LVRN: variants seen among roughly 807,000 people sequenced by gnomAD.
The protein encoded by LVRN is aminopeptidase Q.
LVRN carries 99 observed loss-of-function variants against 111.4 expected under a neutral mutation model. The ratio of observed to expected loss-of-function variants is 0.89; its 90% CI spans 0.76 to 1.05. The LOEUF (loss-of-function observed/expected upper bound fraction) is 1.05, where lower values mean the gene tolerates loss of function less well. Ranked by LOEUF, LVRN falls within the 50% of genes least tolerant of loss-of-function variation. LVRN has a pLI of 0.00. For synonymous variants in LVRN, 488 were observed against 449.5 expected (o/e 1.09, Z -1.08); for missense variants, 1,414 against 1,206.8 (o/e 1.17, Z -2.54).
chr5:115,993,687 A>G, intron 5 of LVRN, 54 bp from the exon 6 acceptor site: 2 of 1,185,178 alleles, frequency 1.7e-6, no homozygotes, highest in East Asian at 2.5e-5. Flanking sequence ...TACAACGAAT[A>G]TAACTTAAAA....
At chr5:115,969,291 T>G (rs182530329) in intron 1 of LVRN, among the ~76,000 whole-genome samples, 1 of 152,244 alleles carries the variant, frequency 6.6e-6, no homozygotes, top group East Asian at 1.9e-4. Context: ...TTTTGTACTT[T>G]TTTTCTCCTC....
intron 6 of LVRN, among the ~76,000 whole-genome samples, chr5:115,994,262 G>T (rs1311515224): frequency 6.6e-6 from 1 of 151,628 alleles, no homozygotes; most frequent in Non-Finnish European, 1.5e-5. Context: ...TATATATATA[G>T]TCTAGGTCTT....
At position 115,992,266 on chromosome 5, in the gene LVRN, A is replaced by T. The variant is rs889768409; in HGVS notation, c.1249A>T (p.Ile417Phe). ...GATCTCCTATGTTGTCTCCCACGAG[A>T]TTGGACACCAGGCATGTGGTAAAAT... is the stretch of plus-strand genomic sequence containing the variant. ...TLISYVVSHE[I>F]GHQWFGNLVT... The change falls in exon 5 of 20, where the codon ATT becomes TTT. Residue 417 changes from isoleucine to phenylalanine, a missense_variant. Ile to Phe is a conservative substitution (Grantham distance 21, BLOSUM62 0). Transcript: ENST00000357872. 3 of 1,613,816 alleles carry T rather than the reference A, an allele frequency of 1.9e-6. No individual in the cohort carries two copies. The highest frequency in any genetic ancestry group is 2.5e-6 in the Non-Finnish European group (3 of 1,179,858).
chr5:115,997,136 A>G (rs774113433), intron 6 of LVRN, among the ~76,000 whole-genome samples: 2 of 152,024 alleles, frequency 1.3e-5, no homozygotes, highest in Admixed American at 6.6e-5. Flanking sequence ...ACATCATGAA[A>G]ATTAATTTAG....
intron 6 of LVRN, among the ~76,000 whole-genome samples, chr5:115,994,801 T>C (rs1156496635): frequency 2.0e-5 from 3 of 152,242 alleles, no homozygotes; most frequent in Non-Finnish European, 4.4e-5. Flanking sequence ...TAGAATGCCA[T>C]GATAAAACCA....
intron 5 of LVRN, among the ~76,000 whole-genome samples, chr5:115,993,473 G>A (rs1748039192): frequency 6.6e-6 from 1 of 152,162 alleles, no homozygotes; most frequent in African/African-American, 2.4e-5. Context: ...TATTCTAGCT[G>A]ACCTTATGTT....
intron 1 of LVRN, among the ~76,000 whole-genome samples, chr5:115,965,019 G>A (rs542593056): frequency 6.6e-6 from 1 of 152,328 alleles, no homozygotes; most frequent in South Asian, 2.1e-4. Context: ...GTTTGAACCT[G>A]AGCTGTGTGA....
intron 1 of LVRN, among the ~76,000 whole-genome samples, chr5:115,969,090 T>A (rs1460339656): frequency 6.6e-6 from 1 of 152,192 alleles, no homozygotes; most frequent in Non-Finnish European, 1.5e-5. Flanking sequence ...TCAAGAGGTC[T>A]CCTCTTTCTC....
At chr5:115,993,658 C>T (rs1748043788) in intron 5 of LVRN, 83 bp from the exon 6 acceptor site, 1 of 870,870 alleles carries the variant, frequency 1.1e-6, no homozygotes, top group Non-Finnish European at 1.8e-6. Context: ...TTTGACCTTA[C>T]ATTTACTTAA....
chr5:115,977,711 G>T (rs538557022), intron 1 of LVRN, among the ~76,000 whole-genome samples: 1 of 152,306 alleles, frequency 6.6e-6, no homozygotes, highest in East Asian at 1.9e-4. Context: ...GTACCACTGT[G>T]CACTTGCTGG....
chr5:115,976,871 T>C (rs1258810795), intron 1 of LVRN, among the ~76,000 whole-genome samples: 2 of 152,228 alleles, frequency 1.3e-5, no homozygotes, highest in African/African-American at 4.8e-5. Context: ...TGTTGATCCT[T>C]GTTTGATTCT....
At chr5:116,017,219 G>T (rs1283447260) in intron 18 of LVRN, among the ~76,000 whole-genome samples, 1 of 152,228 alleles carries the variant, frequency 6.6e-6, no homozygotes, top group Non-Finnish European at 1.5e-5. Flanking sequence ...TAACTGGCAA[G>T]AGCTTAGAGC....
intron 12 of LVRN, among the ~76,000 whole-genome samples, chr5:116,004,219 T>A (rs1200533679): frequency 6.6e-6 from 1 of 152,234 alleles, no homozygotes. Context: ...CCAATATCAC[T>A]TTATATTATA....
chr5:115,973,992 C>A (rs189389000), intron 1 of LVRN, among the ~76,000 whole-genome samples: 306 of 152,068 alleles, frequency 2.0e-3, no homozygotes, highest in Non-Finnish European at 3.7e-3. Flanking sequence ...TATAATAAGC[C>A]CCCATTCATA....
Position 115,963,052 on chromosome 5 carries a change from G to A in LVRN, c.435G>A (p.Leu145=), listed in dbSNP as rs750042397. The A allele has an allele frequency of 4.3e-6, 7 of 1,613,570 alleles. No homozygotes were observed. In the African/African-American group the frequency reaches 9.3e-5, roughly 22 times the overall value. Residue 145 remains leucine (L), a synonymous_variant, in exon 1 of 20, where the codon CTG becomes CTA. Transcript: ENST00000357872. ...VRCTVATSRL[L]LHSLFQDCER... Reference sequence around the variant, plus strand: ...GCACGGTGGCCACCTCTCGACTGCTGCTGCATAGCCTCTTCCAGGACTGCG... The same window carrying A: ...GCACGGTGGCCACCTCTCGACTGCTACTGCATAGCCTCTTCCAGGACTGCG...
At chr5:115,964,422 C>T (rs1243847276) in intron 1 of LVRN, among the ~76,000 whole-genome samples, 1 of 152,174 alleles carries the variant, frequency 6.6e-6, no homozygotes, top group Non-Finnish European at 1.5e-5. Context: ...TTTTTAAGGG[C>T]AGCGTGCTTG....
intron 2 of LVRN, among the ~76,000 whole-genome samples, chr5:115,984,229 G>T (rs988488486): frequency 2.0e-5 from 3 of 152,154 alleles, no homozygotes; most frequent in Non-Finnish European, 4.4e-5. Context: ...GGCCTAGGCA[G>T]CTCTAGATTA....
chr5:115,984,851 G>A, intron 3 of LVRN, 142 bp downstream of exon 3: 1 of 1,172,678 alleles, frequency 8.5e-7, no homozygotes. Flanking sequence ...AAAGTTCTTA[G>A]TGTGGCTTTG....
chr5:115,991,312 C>T (rs1265246393), intron 4 of LVRN, among the ~76,000 whole-genome samples: 1 of 152,172 alleles, frequency 6.6e-6, no homozygotes, highest in African/African-American at 2.4e-5. Flanking sequence ...GTAGCTTTCC[C>T]AGACCAGCTT....
Sources: gnomAD v4.1 joint callset for allele counts (sites outside exome capture counted in the v4.1 genomes callset) on GRCh38, gnomAD v4.1.1 for gene constraint, MANE v1.5 for transcripts, NCBI Gene and HGNC (gene_info 2026-07-23, HGNC 2026-07-21) for gene names.